QTMAN: variants seen among roughly 807,000 people sequenced by gnomAD.
QTMAN encodes tRNA-queuosine alpha-mannosyltransferase.
the QTMAN span, among the ~76,000 whole-genome samples, chr2:144,162,684 A>G: frequency 2.0e-5 from 3 of 152,330 alleles, no homozygotes; most frequent in South Asian, 6.2e-4. Flanking sequence ...ACTGGCAACA[A>G]GAGAGACCTA....
chr2:144,193,524 A>G, the QTMAN span, among the ~76,000 whole-genome samples: 17 of 147,246 alleles, frequency 1.2e-4, 1 homozygote, highest in South Asian at 4.2e-4. Flanking sequence ...GTGTGTGTGT[A>G]TGTGTGTGTG....
chr2:143,981,007 C>T, the QTMAN span, among the ~76,000 whole-genome samples: 1 of 152,208 alleles, frequency 6.6e-6, no homozygotes, highest in Admixed American at 6.5e-5. Flanking sequence ...TTCTTCTCTG[C>T]CACTCCTTGT....
At chr2:144,095,990 A>G in the QTMAN span, among the ~76,000 whole-genome samples, 1 of 152,064 alleles carries the variant, frequency 6.6e-6, no homozygotes, top group Admixed American at 6.5e-5. Context: ...AAAATCTTAT[A>G]CAAGCAAAAC....
At chr2:144,244,491 T>A in the QTMAN span, among the ~76,000 whole-genome samples, 1 of 152,290 alleles carries the variant, frequency 6.6e-6, no homozygotes, top group Admixed American at 6.5e-5. Context: ...AAGTTAGCAC[T>A]AAGGAGAAAC....
chr2:144,211,994 ACT>A, the QTMAN span, among the ~76,000 whole-genome samples: 1 of 152,150 alleles, frequency 6.6e-6, no homozygotes, highest in Non-Finnish European at 1.5e-5. Context: ...GAAAGTGCTA[ACT>A]CCAAACCAAG....
At chr2:144,058,133 AACACACACACACAC>A in the QTMAN span, among the ~76,000 whole-genome samples, 35 of 97,186 alleles carry the variant, frequency 3.6e-4, no homozygotes, top group Non-Finnish European at 4.8e-4. Flanking sequence ...CACCCCGCTA[AACACACACACACAC>A]ACACACACAC....
At chr2:144,321,253 C>A in the QTMAN span, among the ~76,000 whole-genome samples, 1 of 152,210 alleles carries the variant, frequency 6.6e-6, no homozygotes, top group African/African-American at 2.4e-5. Context: ...TTGAGCATTG[C>A]TTCAAAACGC....
At chr2:144,233,472 T>C in the QTMAN span, among the ~76,000 whole-genome samples, 1 of 152,178 alleles carries the variant, frequency 6.6e-6, no homozygotes, top group African/African-American at 2.4e-5. Flanking sequence ...AATAATGGTG[T>C]AAGTGGGAAA....
chr2:144,056,184 A>T, the QTMAN span, among the ~76,000 whole-genome samples: 1 of 152,242 alleles, frequency 6.6e-6, no homozygotes, highest in Admixed American at 6.5e-5. Flanking sequence ...AACTTTAGCC[A>T]ATGCTGGAAT....
the QTMAN span, among the ~76,000 whole-genome samples, chr2:144,227,968 G>A: frequency 6.6e-6 from 1 of 152,192 alleles, no homozygotes; most frequent in Non-Finnish European, 1.5e-5. Flanking sequence ...AGAAGTCCCT[G>A]TGAGTAAACA....
the QTMAN span, among the ~76,000 whole-genome samples, chr2:144,045,114 A>G: frequency 6.6e-6 from 1 of 152,256 alleles, no homozygotes; most frequent in Non-Finnish European, 1.5e-5. Flanking sequence ...CACAACCCAC[A>G]AATGCTAGAG....
the QTMAN span, among the ~76,000 whole-genome samples, chr2:143,997,053 C>T: frequency 3.3e-5 from 5 of 151,928 alleles, no homozygotes; most frequent in African/African-American, 1.2e-4. Flanking sequence ...AAAGTTACCA[C>T]AAGTGAAAAA....
the QTMAN span, among the ~76,000 whole-genome samples, chr2:144,196,981 C>T: frequency 6.6e-6 from 1 of 151,972 alleles, no homozygotes; most frequent in Non-Finnish European, 1.5e-5. Flanking sequence ...ATGATGATAC[C>T]TTCTGAGAAA....
chr2:144,140,324 A>C, the QTMAN span, among the ~76,000 whole-genome samples: 1 of 152,062 alleles, frequency 6.6e-6, no homozygotes, highest in African/African-American at 2.4e-5. Flanking sequence ...AATGAATTTT[A>C]AAACATTTAT....
At chr2:144,109,901 G>T in the QTMAN span, among the ~76,000 whole-genome samples, 14 of 152,198 alleles carry the variant, frequency 9.2e-5, no homozygotes, top group Non-Finnish European at 1.6e-4. Flanking sequence ...ACTGGTGCTG[G>T]AGAGGATGTG....
chr2:144,182,885 T>TATATATA, the QTMAN span, among the ~76,000 whole-genome samples: 4 of 79,862 alleles, frequency 5.0e-5, no homozygotes, highest in African/African-American at 2.4e-4. Context: ...ATATATATAT[T>TATATATA]TTATATATAT....
chr2:144,220,445 T>C, the QTMAN span, among the ~76,000 whole-genome samples: 25 of 152,382 alleles, frequency 1.6e-4, no homozygotes, highest in East Asian at 4.4e-3. Flanking sequence ...CTGTGACTTT[T>C]ATCTATTTAG....
chr2:144,152,578 T>C, the QTMAN span, among the ~76,000 whole-genome samples: 1 of 152,234 alleles, frequency 6.6e-6, no homozygotes, highest in African/African-American at 2.4e-5. Context: ...GAAATTTTTA[T>C]TGCATACATT....
At chr2:144,326,640 A>G in the QTMAN span, among the ~76,000 whole-genome samples, 1 of 152,094 alleles carries the variant, frequency 6.6e-6, no homozygotes, top group South Asian at 2.1e-4. Context: ...ATGGCAATGA[A>G]ACGTCTAAGC....
Sources: allele counts gnomAD v4.1 joint callset (sites outside exome capture counted in the v4.1 genomes callset), GRCh38; gene constraint gnomAD v4.1.1; transcripts MANE v1.5; gene names NCBI Gene and HGNC (gene_info 2026-07-23, HGNC 2026-07-21).